Variants in DAB1 observed in about 807,000 individuals in gnomAD.
The protein encoded by DAB1 is disabled homolog 1.
DAB1 carries 15 observed loss-of-function variants against 64.6 expected under a neutral mutation model. The observed-to-expected ratio is 0.23, with a 90% CI of 0.16 to 0.36. The LOEUF is 0.36. Among genes scored for constraint, DAB1 ranks in the 10% least tolerant of loss-of-function variants. The probability of loss-of-function intolerance (pLI) is 1.00; values close to 1 mark genes in which losing one functional copy is unlikely to be tolerated. For synonymous variants in DAB1, 235 were observed against 251.9 expected, an observed-to-expected ratio of 0.93 and a Z score of 0.64; for missense variants, 596 against 706.7, an observed-to-expected ratio of 0.84 and a Z score of 1.78.
At chr1:58,348,808 T>C (rs1292877363) in intron 3 of DAB1, among the ~76,000 whole-genome samples, 1 of 152,218 alleles carries the variant, frequency 6.6e-6, no homozygotes, top group Non-Finnish European at 1.5e-5. Flanking sequence ...GTCTTTGGCA[T>C]GCCACTCATG....
intron 4 of DAB1, among the ~76,000 whole-genome samples, chr1:58,279,530 GTAT>G (rs1392109034): frequency 2.0e-5 from 3 of 152,306 alleles, no homozygotes; most frequent in African/African-American, 7.2e-5. Flanking sequence ...CTGGAGCAGG[GTAT>G]TATTGCCTTC....
At chr1:58,401,961 C>T (rs1644573303) in intron 3 of DAB1, among the ~76,000 whole-genome samples, 1 of 152,090 alleles carries the variant, frequency 6.6e-6, no homozygotes, top group Non-Finnish European at 1.5e-5. Flanking sequence ...TTATCCAAGT[C>T]CTAGGAAAAG....
intron 4 of DAB1, among the ~76,000 whole-genome samples, chr1:58,185,695 C>G (rs558317916): frequency 1.1e-4 from 16 of 152,312 alleles, no homozygotes; most frequent in Non-Finnish European, 1.9e-4. Flanking sequence ...CTGTTCCCCT[C>G]ACTTCCCCAG....
chr1:57,451,661 C>T (rs113168952), intron 7 of DAB1, among the ~76,000 whole-genome samples: 10 of 152,244 alleles, frequency 6.6e-5, no homozygotes, highest in African/African-American at 9.6e-5. Flanking sequence ...AAGCGAAGGA[C>T]GCAGAGAGTT....
intron 7 of DAB1, among the ~76,000 whole-genome samples, chr1:57,627,486 C>T (rs546816099): frequency 3.9e-4 from 60 of 152,166 alleles, no homozygotes; most frequent in Admixed American, 8.5e-4. Context: ...GTGCTAAGGT[C>T]TTTGCTTATT....
At chr1:57,499,742 T>C (rs1351947344) in intron 7 of DAB1, among the ~76,000 whole-genome samples, 1 of 152,212 alleles carries the variant, frequency 6.6e-6, no homozygotes. Flanking sequence ...TCCTTATGAT[T>C]ACTGGCTGCA....
chr1:58,347,190 C>A (rs1271876643), intron 3 of DAB1, among the ~76,000 whole-genome samples: 2 of 152,190 alleles, frequency 1.3e-5, no homozygotes, highest in Non-Finnish European at 2.9e-5. Flanking sequence ...TCACCACAAC[C>A]TCCGCCTCCC....
chr1:57,528,121 GA>G (rs1418294806), intron 7 of DAB1, among the ~76,000 whole-genome samples: 1 of 152,008 alleles, frequency 6.6e-6, no homozygotes, highest in Non-Finnish European at 1.5e-5. Flanking sequence ...TAAATCCTCA[GA>G]AAAAGTTGGA....
At chr1:57,768,489 A>G (rs1364766162) in intron 6 of DAB1, among the ~76,000 whole-genome samples, 2 of 151,036 alleles carry the variant, frequency 1.3e-5, no homozygotes, top group Non-Finnish European at 3.0e-5. Context: ...AGCTTTTAAG[A>G]GGGATTTACC....
intron 4 of DAB1, among the ~76,000 whole-genome samples, chr1:58,266,296 T>C (rs1167091455): frequency 6.6e-6 from 1 of 151,974 alleles, no homozygotes; most frequent in African/African-American, 2.4e-5. Context: ...GCCTTTTCAG[T>C]GGGGGAAGAG....
chr1:58,171,578 G>A (rs1031484604), intron 4 of DAB1, among the ~76,000 whole-genome samples: 2 of 152,178 alleles, frequency 1.3e-5, no homozygotes, highest in Admixed American at 6.5e-5. Flanking sequence ...CCTCAAGGAT[G>A]CCTTATTCTG....
At chr1:58,068,449 C>T (rs1648995779) in intron 5 of DAB1, among the ~76,000 whole-genome samples, 1 of 152,078 alleles carries the variant, frequency 6.6e-6, no homozygotes, top group South Asian at 2.1e-4. Context: ...TTCAGAACCT[C>T]AAAAGAAAGA....
At chr1:58,069,927 G>A (rs753627924) in intron 5 of DAB1, among the ~76,000 whole-genome samples, 5 of 152,130 alleles carry the variant, frequency 3.3e-5, no homozygotes, top group Middle Eastern at 3.2e-3. Flanking sequence ...CTCTTGCGGA[G>A]ACATAGAAAG....
intron 5 of DAB1, among the ~76,000 whole-genome samples, chr1:58,016,272 T>C (rs1462351223): frequency 6.6e-6 from 1 of 152,134 alleles, no homozygotes; most frequent in Non-Finnish European, 1.5e-5. Context: ...AGACATTACA[T>C]AATGAATGGG....
chr1:57,008,748 A>G (rs1557528073), intron 14 of DAB1, among the ~76,000 whole-genome samples: 1 of 152,160 alleles, frequency 6.6e-6, no homozygotes, highest in Non-Finnish European at 1.5e-5. Flanking sequence ...TCTCTGCGCT[A>G]GATACTCAAC....
chr1:57,532,709 A>AATGC (rs1408810776), intron 7 of DAB1, among the ~76,000 whole-genome samples: 26 of 152,214 alleles, frequency 1.7e-4, no homozygotes, highest in African/African-American at 6.0e-4. Flanking sequence ...CTCTTGCTGA[A>AATGC]ATGCAAGCTT....
intron 5 of DAB1, among the ~76,000 whole-genome samples, chr1:57,898,195 C>T (rs1055099150): frequency 6.6e-6 from 1 of 152,116 alleles, no homozygotes; most frequent in African/African-American, 2.4e-5. Flanking sequence ...AAGTAGATAT[C>T]ACTATCCCAT....
intron 2 of DAB1, among the ~76,000 whole-genome samples, chr1:57,209,805 G>T (rs989457229): frequency 6.6e-6 from 1 of 151,906 alleles, no homozygotes; most frequent in African/African-American, 2.4e-5. Context: ...CTCTCCTCTG[G>T]TCCCAGTATT....
At chr1:57,067,001 C>A (rs1466504496) in intron 8 of DAB1, among the ~76,000 whole-genome samples, 4 of 133,448 alleles carry the variant, frequency 3.0e-5, no homozygotes, top group African/African-American at 1.1e-4. Context: ...CTATGGAACA[C>A]TTACAAGCCC....
Sources: allele counts gnomAD v4.1 joint callset (sites outside exome capture counted in the v4.1 genomes callset), GRCh38; gene constraint gnomAD v4.1.1; transcripts MANE v1.5; gene names NCBI Gene and HGNC (gene_info 2026-07-23, HGNC 2026-07-21).